The following SYT16 variants were observed in gnomAD, a reference collection of about 807,000 sequenced individuals.
The protein encoded by SYT16 is synaptotagmin 16.
Under a neutral mutation model 61.4 loss-of-function variants are expected in SYT16, and 42 were observed. The observed-to-expected ratio is 0.68, with a 90% CI of 0.53 to 0.89. The LOEUF is 0.89. Ranked by LOEUF, SYT16 falls within the 40% of genes least tolerant of loss-of-function variation. The pLI is 0.00. For missense variants in SYT16, 804 were observed against 807.3 expected (o/e 1.00, Z 0.05); for synonymous variants, 314 against 302.3 (o/e 1.04, Z -0.40).
chr14:61,988,704 G>A (rs1344611562), intron 2 of SYT16, among the ~76,000 whole-genome samples: 13 of 152,118 alleles, frequency 8.5e-5, no homozygotes, highest in East Asian at 1.9e-4. Flanking sequence ...AAAAGTAACT[G>A]TGACATTTTA....
intron 1 of SYT16, among the ~76,000 whole-genome samples, chr14:61,928,811 A>G (rs557638636): frequency 3.0e-4 from 46 of 152,340 alleles, no homozygotes; most frequent in African/African-American, 1.0e-3. Flanking sequence ...CATAACACAC[A>G]GCTTGTTCTC....
chr14:61,900,650 A>G (rs2140356888), intron 1 of SYT16, among the ~76,000 whole-genome samples: 1 of 152,302 alleles, frequency 6.6e-6, no homozygotes, highest in East Asian at 1.9e-4. Flanking sequence ...CCGAAAGGGC[A>G]GGGATTAGGT....
chr14:61,967,826 AACTT>A (rs2051377656), intron 1 of SYT16, among the ~76,000 whole-genome samples: 1 of 152,162 alleles, frequency 6.6e-6, no homozygotes, highest in Non-Finnish European at 1.5e-5. Context: ...CAATTGAACA[AACTT>A]ATAAATGAAA....
rs1310657142 is a variant in SYT16 at position 61,832,465 on chromosome 14, T to G, written c.-325+19655T>G. 4 of 392,440 alleles carry G rather than the reference T, an allele frequency of 1.0e-5. No individual in the cohort carries two copies. In the East Asian group the frequency reaches 2.4e-4, roughly 24 times the overall value. 24.3% of individuals were successfully genotyped at this position (392,440 alleles called of 1,614,324 possible). ...TTTTTTTCTTTTCCGAGACGGAGTT[T>G]TGCTCTTGTTGCCCAGGCTGTGGCG... On this transcript the variant is annotated intron_variant, in intron 1 of 7. Transcript: ENST00000683842.
intron 1 of SYT16, among the ~76,000 whole-genome samples, chr14:61,922,860 C>T (rs2049386614): frequency 6.6e-6 from 1 of 152,018 alleles, no homozygotes; most frequent in Non-Finnish European, 1.5e-5. Context: ...CAAGCCTGGC[C>T]AACATGGTGA....
chr14:62,001,983 T>G (rs1458336033), intron 3 of SYT16, among the ~76,000 whole-genome samples: 1 of 152,124 alleles, frequency 6.6e-6, no homozygotes, highest in African/African-American at 2.4e-5. Context: ...TCCCCCCTTT[T>G]CATTATGGCT....
intron 7 of SYT16, among the ~76,000 whole-genome samples, chr14:62,092,885 T>C (rs1202190476): frequency 6.6e-6 from 1 of 152,136 alleles, no homozygotes; most frequent in African/African-American, 2.4e-5. Flanking sequence ...AATTTTGTTG[T>C]GTATATTTTA....
chr14:61,857,724 G>A (rs566655458), intron 1 of SYT16, among the ~76,000 whole-genome samples: 1 of 152,162 alleles, frequency 6.6e-6, no homozygotes, highest in African/African-American at 2.4e-5. Flanking sequence ...CTCTGATGCA[G>A]GAGAGAAAGA....
intron 1 of SYT16, among the ~76,000 whole-genome samples, chr14:61,843,845 C>G (rs1295281724): frequency 6.6e-6 from 1 of 152,108 alleles, no homozygotes; most frequent in African/African-American, 2.4e-5. Context: ...TGTGATTCTT[C>G]CAGTTTTGCT....
intron 3 of SYT16, among the ~76,000 whole-genome samples, chr14:62,006,148 G>T (rs1487225015): frequency 1.3e-5 from 2 of 151,852 alleles, no homozygotes; most frequent in African/African-American, 2.4e-5. Context: ...TATGTGATTG[G>T]ACTCTCAGCT....
At chr14:61,945,597 T>C (rs1357130460) in intron 1 of SYT16, among the ~76,000 whole-genome samples, 2 of 152,062 alleles carry the variant, frequency 1.3e-5, no homozygotes, top group South Asian at 4.1e-4. Flanking sequence ...GGCTCACGCC[T>C]GTAATCCCAG....
At chr14:62,074,971 T>A (rs996485168) in intron 4 of SYT16, among the ~76,000 whole-genome samples, 164 bp from the exon 5 acceptor site, 2 of 152,202 alleles carry the variant, frequency 1.3e-5, no homozygotes, top group Non-Finnish European at 1.5e-5. Flanking sequence ...ATTTTATGGA[T>A]CAAGTTTCTT....
intron 2 of SYT16, among the ~76,000 whole-genome samples, chr14:61,973,364 C>T (rs3916620): frequency 0.42 from 63,591 of 151,898 alleles, 13,923 homozygotes; most frequent in East Asian, 0.75. Flanking sequence ...TCATTGGTAA[C>T]TATTGTTTAT....
At chr14:61,862,257 C>T (rs2046988536) in intron 1 of SYT16, among the ~76,000 whole-genome samples, 1 of 152,218 alleles carries the variant, frequency 6.6e-6, no homozygotes, top group Non-Finnish European at 1.5e-5. Context: ...CCCTTGTCGC[C>T]CATTGCAGTC....
chr14:62,083,498 A>C (rs1048314466), intron 6 of SYT16, among the ~76,000 whole-genome samples: 5 of 152,108 alleles, frequency 3.3e-5, no homozygotes, highest in African/African-American at 7.2e-5. Context: ...AAGCGTGCCC[A>C]TGAATAAACA....
intron 3 of SYT16, among the ~76,000 whole-genome samples, chr14:62,000,948 A>C (rs920182602): frequency 5.3e-5 from 8 of 152,162 alleles, no homozygotes; most frequent in Middle Eastern, 3.4e-3. Flanking sequence ...GGTTAAAATA[A>C]GACAAAAAAA....
At chr14:61,975,921 G>T (rs1346004062) in intron 2 of SYT16, among the ~76,000 whole-genome samples, 1 of 152,158 alleles carries the variant, frequency 6.6e-6, no homozygotes, top group Non-Finnish European at 1.5e-5. Flanking sequence ...CAAGTCCAAA[G>T]TCTTATCTGA....
chr14:61,879,860 A>G (rs968225921), intron 1 of SYT16, among the ~76,000 whole-genome samples: 1 of 152,152 alleles, frequency 6.6e-6, no homozygotes, highest in African/African-American at 2.4e-5. Context: ...CCTGCCATCT[A>G]TCCTTTGGAT....
chr14:61,990,097 C>T lies in SYT16; in HGVS notation c.-144-5779C>T, dbSNP rs999749321. On this transcript the variant is annotated intron_variant, in intron 2 of 7. Transcript: ENST00000683842. The stretch of plus-strand genomic sequence containing the variant: ...ACCCACATAAGAAATTTGCTCTTAA[C>T]GGAAAACACCTGTAGACTCCTTTGA... Among the ~76,000 whole-genome samples, 10 of 152,114 alleles carry T rather than the reference C, an allele frequency of 6.6e-5. No individual in the cohort carries two copies. In the East Asian group the frequency reaches 7.7e-4, roughly 12 times the overall value.
Sources: gnomAD v4.1 joint callset for allele counts (sites outside exome capture counted in the v4.1 genomes callset) on GRCh38, gnomAD v4.1.1 for gene constraint, MANE v1.5 for transcripts, NCBI Gene and HGNC (gene_info 2026-07-23, HGNC 2026-07-21) for gene names.